The following ANO1 variants were observed in gnomAD, a reference collection of about 807,000 sequenced individuals.
ANO1 encodes anoctamin 1, also known as anoctamin-1.
In ANO1, 59 loss-of-function variants were observed where a neutral mutation model predicts 124.0. That is an observed-to-expected ratio of 0.48 (90% CI 0.39 to 0.59). The LOEUF is 0.59. Ranked by LOEUF, ANO1 falls within the 20% of genes least tolerant of loss-of-function variation. ANO1 has a pLI of 0.00. For missense variants in ANO1, 1,059 were observed against 1,328.0 expected, an observed-to-expected ratio of 0.80 and a Z score of 3.15; for synonymous variants, 529 against 532.0, an observed-to-expected ratio of 0.99 and a Z score of 0.08.
chr11:69,968,708 C>A, the ANO1 span, among the ~76,000 whole-genome samples: 1 of 152,198 alleles, frequency 6.6e-6, no homozygotes, highest in Non-Finnish European at 1.5e-5. Flanking sequence ...CTGAGCCACT[C>A]ACACCTAGAG....
chr11:70,166,179 G>A (rs1590902831), intron 20 of ANO1, among the ~76,000 whole-genome samples: 3 of 151,932 alleles, frequency 2.0e-5, no homozygotes, highest in South Asian at 4.2e-4. Context: ...TTAGCCGGGC[G>A]TGGTGGCGGG....
intron 1 of ANO1, among the ~76,000 whole-genome samples, chr11:70,030,874 ACC>A (rs539231131): frequency 6.6e-6 from 1 of 151,912 alleles, no homozygotes; most frequent in Non-Finnish European, 1.5e-5. Flanking sequence ...GAAGAGAAAC[ACC>A]CCCCGTTTTA....
At chr11:70,047,036 C>T (rs1329114174) in intron 1 of ANO1, among the ~76,000 whole-genome samples, 2 of 147,642 alleles carry the variant, frequency 1.4e-5, no homozygotes, top group South Asian at 2.1e-4. Flanking sequence ...GCCAAGATCA[C>T]GCCATTGTAT....
At chr11:70,173,541 C>G (rs974919404) in intron 22 of ANO1, among the ~76,000 whole-genome samples, 1 of 152,220 alleles carries the variant, frequency 6.6e-6, no homozygotes, top group Non-Finnish European at 1.5e-5. Context: ...CCCCTTGCCC[C>G]TCATACCACA....
chr11:70,184,607 C>T (rs971580889), intron 24 of ANO1, among the ~76,000 whole-genome samples: 25 of 152,350 alleles, frequency 1.6e-4, no homozygotes, highest in Admixed American at 1.6e-3. Flanking sequence ...TAGGGCAGGG[C>T]GGGCCAGGCC....
At chr11:70,162,359 A>T (rs1292603317) in intron 18 of ANO1, among the ~76,000 whole-genome samples, 1 of 152,136 alleles carries the variant, frequency 6.6e-6, no homozygotes, top group Non-Finnish European at 1.5e-5. Flanking sequence ...AAGCTCCAGC[A>T]GCAGGAAGTC....
chr11:70,007,884 T>G (rs1856523024), intron 1 of ANO1, among the ~76,000 whole-genome samples: 1 of 152,226 alleles, frequency 6.6e-6, no homozygotes. Flanking sequence ...TTTCAGTTTG[T>G]CCACATCCTC....
At chr11:70,158,400 G>A (rs1332847406) in intron 16 of ANO1, among the ~76,000 whole-genome samples, 5 of 152,246 alleles carry the variant, frequency 3.3e-5, no homozygotes, top group East Asian at 3.8e-4. Flanking sequence ...TGGAGCCCAG[G>A]TTGGCAGCTG....
At chr11:70,158,362 G>A (rs886433818) in intron 16 of ANO1, among the ~76,000 whole-genome samples, 2 of 152,118 alleles carry the variant, frequency 1.3e-5, no homozygotes, top group Non-Finnish European at 2.9e-5. Context: ...AGCGCCTCCT[G>A]TGGCCACCTA....
At chr11:70,125,767 G>C (rs184358711) in intron 9 of ANO1, among the ~76,000 whole-genome samples, 4 of 147,316 alleles carry the variant, frequency 2.7e-5, no homozygotes, top group Admixed American at 6.8e-5. Context: ...TGGCGTGAAC[G>C]CGGGAGGTGG....
intron 10 of ANO1, among the ~76,000 whole-genome samples, chr11:70,128,070 A>C (rs1177624395): frequency 6.6e-6 from 1 of 152,234 alleles, no homozygotes; most frequent in Admixed American, 6.5e-5. Flanking sequence ...CTTAGGAAAG[A>C]AACTGACTCT....
chr11:70,029,306 A>G (rs1216811096), intron 1 of ANO1, among the ~76,000 whole-genome samples: 1 of 152,116 alleles, frequency 6.6e-6, no homozygotes, highest in Non-Finnish European at 1.5e-5. Flanking sequence ...CTGCGCAAAG[A>G]TGAGGCCTCC....
Position 70,161,347 on chromosome 11 carries a change from T to G in ANO1, c.1765T>G (p.Trp589Gly). The G allele has an allele frequency of 6.2e-7, 1 of 1,613,932 alleles. No homozygotes were observed. Among genetic ancestry groups the G allele is most frequent in the Non-Finnish European group, 8.5e-7 (1 of 1,179,868 alleles). ...CGAGGTGTATGGCTGCATAGCCCGATGGCTCACCAAGATCGGTGAGTGCCC... is the reference window on the plus strand; with the variant it reads ...CGAGGTGTATGGCTGCATAGCCCGAGGGCTCACCAAGATCGGTGAGTGCCC... Reference protein sequence around the residue: ...LDEVYGCIARWLTKIEVPKTE... With the variant: ...LDEVYGCIARGLTKIEVPKTE... Residue 589 changes from tryptophan (W) to glycine (G), a missense_variant, in exon 17 of 26, where the codon TGG becomes GGG. Physicochemically the swap from Trp to Gly is radical, Grantham distance 184. This residue lies in a region of ANO1 where 809 missense variants were observed against 1,094.9 expected (regional missense o/e 0.74). Transcript: ENST00000355303.
chr11:69,996,952 C>T (rs1856281406), intron 1 of ANO1, among the ~76,000 whole-genome samples: 1 of 152,158 alleles, frequency 6.6e-6, no homozygotes, highest in Non-Finnish European at 1.5e-5. Context: ...ACAAAGATCC[C>T]AGGGTGTGGG....
At chr11:70,057,500 G>A (rs1182897950) in intron 1 of ANO1, among the ~76,000 whole-genome samples, 7 of 152,154 alleles carry the variant, frequency 4.6e-5, no homozygotes, top group South Asian at 2.1e-4. Context: ...GGGTGCAGGC[G>A]AGGCAGACTG....
the ANO1 span, among the ~76,000 whole-genome samples, chr11:69,979,855 T>C: frequency 6.6e-6 from 1 of 152,160 alleles, no homozygotes; most frequent in Non-Finnish European, 1.5e-5. Context: ...GGGGATGTCA[T>C]GGAGAAAGTC....
intron 1 of ANO1, among the ~76,000 whole-genome samples, chr11:70,006,872 G>T (rs997270377): frequency 6.6e-6 from 1 of 151,762 alleles, no homozygotes; most frequent in African/African-American, 2.4e-5. Flanking sequence ...GTTTCGCCAC[G>T]TTGGCCAGGC....
chr11:69,996,493 A>G (rs1856273843), intron 1 of ANO1, among the ~76,000 whole-genome samples: 1 of 152,178 alleles, frequency 6.6e-6, no homozygotes, highest in African/African-American at 2.4e-5. Context: ...TTAAATGATC[A>G]TGTTATTGAT....
At chr11:69,981,490 G>C (rs781944796), upstream of ANO1, among the ~76,000 whole-genome samples, 2 of 152,260 alleles carry the variant, frequency 1.3e-5, no homozygotes, top group Non-Finnish European at 2.9e-5. Flanking sequence ...AGCCCAGGCA[G>C]AGATCTTGCC....
Sources: allele counts gnomAD v4.1 joint callset (sites outside exome capture counted in the v4.1 genomes callset), GRCh38; gene constraint gnomAD v4.1.1; regional missense constraint gnomAD v4.1.1; transcripts MANE v1.5; gene names NCBI Gene and HGNC (gene_info 2026-07-23, HGNC 2026-07-21).